TANC2: variants seen among roughly 807,000 people sequenced by gnomAD.
TANC2 encodes tetratricopeptide repeat, ankyrin repeat and coiled-coil containing 2.
In TANC2, 26 loss-of-function variants were observed where a neutral mutation model predicts 210.5. The ratio of observed to expected loss-of-function variants is 0.12; its 90% CI spans 0.09 to 0.17. TANC2 has a LOEUF of 0.17. Ranked by LOEUF, TANC2 falls within the 10% of genes least tolerant of loss-of-function variation. TANC2 has a pLI of 1.00. For synonymous variants in TANC2, 931 were observed against 967.1 expected, an observed-to-expected ratio of 0.96 and a Z score of 0.69; for missense variants, 2,129 against 2,608.9, an observed-to-expected ratio of 0.82 and a Z score of 4.01.
rs371563231 is a variant in TANC2, at chr17:63,193,977, C to A, written c.434-14C>A. On this transcript the variant is annotated splice_polypyrimidine_tract_variant and intron_variant, in intron 5 of 27. Coordinates refer to ENST00000689528, the Ensembl canonical transcript of TANC2. ...TTTGAAAGATTCATGTTCTTCAATG[C>A]CTTCTTGTTACAGGTGATGCTGAAC... The A allele has an allele frequency of 6.2e-7, 1 of 1,607,920 alleles. No individual in the cohort carries two copies. Among genetic ancestry groups the A allele is most frequent in the African/African-American group, 1.3e-5 (1 of 74,784 alleles).
At chr17:63,001,104 A>G (rs2033358293) in intron 1 of TANC2, among the ~76,000 whole-genome samples, 1 of 152,146 alleles carries the variant, frequency 6.6e-6, no homozygotes, top group Non-Finnish European at 1.5e-5. Flanking sequence ...GTAAATTTTA[A>G]GTAATAAGTT....
chr17:63,123,821 C>G (rs935330102), intron 4 of TANC2, among the ~76,000 whole-genome samples: 1 of 148,566 alleles, frequency 6.7e-6, no homozygotes, highest in Non-Finnish European at 1.5e-5. Flanking sequence ...TCTGCCTCAG[C>G]CTCCCGAGTA....
Position 63,420,444 on chromosome 17 carries a change from G to C in TANC2, c.4714G>C (p.Ala1572Pro). 1.2e-6 allele frequency: 2 copies of C among 1,613,904 alleles called. No homozygotes were observed. The highest frequency in any genetic ancestry group is 2.2e-5 in the South Asian group (2 of 91,076). Residue 1572 changes from alanine to proline, a missense_variant, in exon 28 of 28, where the codon GCC becomes CCC. Around this residue, in one of 5 missense-constraint regions of TANC2, gnomAD observed 584 missense variants for 627.3 expected, o/e 0.93. Transcript: ENST00000689528. The surrounding 1 kb of genome is among the most constrained non-coding windows in gnomAD (Gnocchi z 4.2). ...ACAGACCTATCAGTCCACCTCACCT[G>C]CCCTTTCTCCAACTCATCAGAACTC... is the stretch of plus-strand genomic sequence containing the variant.
Position 62,966,390 on chromosome 17 carries a change from C to A in TANC2, c.-383C>A, listed in dbSNP as rs1402035923. Reference sequence around the variant, plus strand: ...CCTAGGGCCGCTGGCGCTGCCCTCCCGCCGCCACCGCCCTCCGCGCCTCCT... The same window carrying A: ...CCTAGGGCCGCTGGCGCTGCCCTCCAGCCGCCACCGCCCTCCGCGCCTCCT... On this transcript the variant is annotated 5_prime_UTR_variant, in exon 1 of 28. Transcript: ENST00000689528. This position sits in a 1 kb window ranked among gnomAD's most constrained non-coding sequence, Gnocchi z 5.1. Among the ~76,000 whole-genome samples the A allele has an allele frequency of 6.8e-6, 1 of 147,454 alleles. No homozygotes were observed. The highest frequency in any genetic ancestry group is 2.4e-5 in the African/African-American group (1 of 40,942).
At chr17:62,997,116 CTTTTTT>C (rs74374010) in intron 1 of TANC2, among the ~76,000 whole-genome samples, 2 of 120,960 alleles carry the variant, frequency 1.7e-5, no homozygotes, top group Non-Finnish European at 3.5e-5. Flanking sequence ...CACCCAGCCT[CTTTTTT>C]TTTTTTTTTT....
chr17:63,228,599 A>G (rs758552079), intron 7 of TANC2, among the ~76,000 whole-genome samples: 2 of 152,006 alleles, frequency 1.3e-5, no homozygotes, highest in African/African-American at 2.4e-5. Context: ...GTCTTCTCTC[A>G]TTTCCTTGAG....
At chr17:63,408,462 T>C (rs1185224454) in intron 21 of TANC2, among the ~76,000 whole-genome samples, 1 of 152,262 alleles carries the variant, frequency 6.6e-6, no homozygotes, top group African/African-American at 2.4e-5. Flanking sequence ...TCAGTTCATC[T>C]GTAATGTACA....
In TANC2 at chr17:63,420,137, G is replaced by A. The variant is rs767872476; in HGVS notation, c.4407G>A (p.Pro1469=). The change falls in exon 28 of 28, where the codon CCG becomes CCA. Residue 1469 remains proline, a synonymous_variant. Coordinates refer to ENST00000689528, the Ensembl canonical transcript of TANC2. The surrounding 1 kb of genome is among the most constrained non-coding windows in gnomAD (Gnocchi z 4.2). Reference sequence around the variant, plus strand: ...AGCCACAGCAGCCACCGCCGCCACCGCAGCCTCAGCAGCAGTTGCCGGAAG... The same window carrying A: ...AGCCACAGCAGCCACCGCCGCCACCACAGCCTCAGCAGCAGTTGCCGGAAG... 3.9e-5 allele frequency: 61 copies of A among 1,556,284 alleles called. No individual in the cohort carries two copies. The highest frequency in any genetic ancestry group is 5.0e-5 in the Non-Finnish European group (58 of 1,149,528).
In TANC2 at chr17:63,418,917, C is replaced by A. The variant is rs1314397289; in HGVS notation, c.4268+510C>A. Among the ~76,000 whole-genome samples, 4 of 152,052 alleles carry A rather than the reference C, an allele frequency of 2.6e-5. No individual in the cohort carries two copies. The highest frequency in any genetic ancestry group is 4.8e-5 in the African/African-American group (2 of 41,394). On this transcript the variant is annotated intron_variant, in intron 27 of 27. Coordinates refer to ENST00000689528, the Ensembl canonical transcript of TANC2. This position sits in a 1 kb window ranked among gnomAD's most constrained non-coding sequence, Gnocchi z 4.6. ...AGACCCCCTTCCACCTAAACCATCACCCACCACACACACACAGAGTCAAGA... is the reference window on the plus strand; with the variant it reads ...AGACCCCCTTCCACCTAAACCATCAACCACCACACACACACAGAGTCAAGA...
intron 17 of TANC2, chr17:63,393,589 G>A (rs1378009922): frequency 1.3e-5 from 2 of 152,070 alleles, no homozygotes; most frequent in Non-Finnish European, 2.9e-5. Flanking sequence ...AGGCATCTAA[G>A]GTAATGTCTT....
At chr17:63,050,337 A>G (rs1221941281) in intron 2 of TANC2, among the ~76,000 whole-genome samples, 2 of 151,618 alleles carry the variant, frequency 1.3e-5, no homozygotes, top group African/African-American at 2.4e-5. Context: ...AGCCTGGGCA[A>G]CAGAGCAAGA....
chr17:63,360,382 G>A (rs1424599221), intron 14 of TANC2, among the ~76,000 whole-genome samples: 2 of 152,112 alleles, frequency 1.3e-5, no homozygotes, highest in African/African-American at 4.8e-5. Flanking sequence ...AAGGAAAAAG[G>A]GCCTCTTAGA....
At chr17:63,406,847 T>A (rs1451551817) in intron 21 of TANC2, among the ~76,000 whole-genome samples, 5 of 152,208 alleles carry the variant, frequency 3.3e-5, no homozygotes, top group Admixed American at 3.3e-4. Flanking sequence ...GTGACCTCTA[T>A]CACCTGTGCA....
intron 15 of TANC2, 131 bp downstream of exon 15, chr17:63,379,957 C>T: frequency 3.0e-6 from 2 of 672,970 alleles, no homozygotes; most frequent in Non-Finnish European, 2.6e-6. Context: ...CATCTCCCAA[C>T]ACGTATGGCC....
chr17:63,099,798 A>T (rs1227228674), intron 4 of TANC2, among the ~76,000 whole-genome samples: 1 of 152,114 alleles, frequency 6.6e-6, no homozygotes, highest in Non-Finnish European at 1.5e-5. Flanking sequence ...TTTTTAAAAG[A>T]TAATTTAGAT....
chr17:63,284,900 T>C (rs2146374393), intron 9 of TANC2, among the ~76,000 whole-genome samples: 1 of 152,254 alleles, frequency 6.6e-6, no homozygotes, highest in Non-Finnish European at 1.5e-5. Context: ...TCTTTGTGTT[T>C]GGAGCTTTGT....
intron 2 of TANC2, among the ~76,000 whole-genome samples, chr17:63,022,851 C>G (rs1202463749): frequency 6.6e-6 from 1 of 152,152 alleles, no homozygotes; most frequent in Non-Finnish European, 1.5e-5. Flanking sequence ...ACTCACCTCT[C>G]CAAAAGGTAC....
At position 63,063,434 on chromosome 17, in the gene TANC2, A is replaced by G. The variant is rs146428114; in HGVS notation, c.68-10509A>G. Among the ~76,000 whole-genome samples, 626 of 152,122 alleles carry G rather than the reference A, an allele frequency of 4.1e-3. 5 individuals carry two copies. Among genetic ancestry groups the G allele is most frequent in the African/African-American group, 0.013 (543 of 41,492 alleles). On this transcript the variant is annotated intron_variant, in intron 2 of 27. Coordinates refer to ENST00000689528, the Ensembl canonical transcript of TANC2. The stretch of plus-strand genomic sequence containing the variant: ...TTCTGGTGACCAGCCCCCATCCAGG[A>G]GCCCACCAAGAATTAACTCATTAGA...
chr17:63,368,119 C>CT (rs2047163987), intron 14 of TANC2, among the ~76,000 whole-genome samples: 1 of 152,052 alleles, frequency 6.6e-6, no homozygotes, highest in African/African-American at 2.4e-5. Context: ...AGCACTTGGT[C>CT]TTTTTTTATA....
Sources: gnomAD v4.1 joint callset for allele counts (sites outside exome capture counted in the v4.1 genomes callset) on GRCh38, gnomAD v4.1.1 for gene constraint, gnomAD v4.1.1 regional missense constraint, Gnocchi (gnomAD v3.1) non-coding constraint, MANE v1.5 for transcripts, NCBI Gene and HGNC (gene_info 2026-07-23, HGNC 2026-07-21) for gene names.